Variants in DNAJC1 observed in about 807,000 individuals in gnomAD.
DNAJC1 encodes the protein DnaJ heat shock protein family (Hsp40) member C1, also known as dnaJ homolog subfamily C member 1.
DNAJC1 carries 58 observed loss-of-function variants against 76.6 expected under a neutral mutation model. The ratio of observed to expected loss-of-function variants is 0.76; its 90% CI spans 0.61 to 0.94. The LOEUF (loss-of-function observed/expected upper bound fraction) is 0.94, where lower values mean the gene tolerates loss of function less well. Among genes scored for constraint, DNAJC1 ranks in the 40% least tolerant of loss-of-function variants. DNAJC1 has a pLI of 0.00. For missense variants in DNAJC1, 689 were observed against 677.3 expected, an observed-to-expected ratio of 1.02 and a Z score of -0.19; for synonymous variants, 258 against 267.9, an observed-to-expected ratio of 0.96 and a Z score of 0.36.
rs2131858984 is a variant in DNAJC1 at position 22,003,555 on chromosome 10, G to T, written c.-121C>A. On this transcript the variant is annotated 5_prime_UTR_variant, in exon 1 of 12. Coordinates refer to ENST00000376980, the MANE Select transcript of DNAJC1 (RefSeq NM_022365.4). ...AGTGAAAAGCGCGGGCAGGCGCACC[G>T]GAGCGGCCCGCCAGGTGGCTGGCCC... 5 of 1,187,518 alleles carry T rather than the reference G, an allele frequency of 4.2e-6. No homozygotes were observed. The highest frequency in any genetic ancestry group is 5.3e-6 in the Non-Finnish European group (5 of 938,066). The allele number at this position is 1,187,518 out of a possible 1,614,324, so 73.6% of individuals were successfully genotyped here. A position where few individuals can be genotyped will look rare whatever the true frequency, so the allele number is the denominator to read the frequency against.
chr10:21,833,921 G>C (rs1005527193), intron 8 of DNAJC1, among the ~76,000 whole-genome samples: 3 of 152,066 alleles, frequency 2.0e-5, no homozygotes, highest in African/African-American at 7.2e-5. Context: ...AATCAGACAG[G>C]GGAAAGATCA....
At chr10:21,826,474 G>C (rs1407417891) in intron 8 of DNAJC1, among the ~76,000 whole-genome samples, 2 of 151,900 alleles carry the variant, frequency 1.3e-5, no homozygotes, top group Non-Finnish European at 2.9e-5. Context: ...GTCTCTTCAT[G>C]GTATCCTTTG....
chr10:21,835,640 T>C (rs147043891), intron 8 of DNAJC1, among the ~76,000 whole-genome samples: 5,363 of 152,216 alleles, frequency 0.035, 166 homozygotes, highest in African/African-American at 0.069. Context: ...AAGGACCTGA[T>C]GGAGCTGAAA....
chr10:21,929,094 T>C lies in DNAJC1; in HGVS notation c.270A>G (p.Leu90=), dbSNP rs759360361. Reference sequence around the variant, plus strand: ...CTTTATTCTTGTCTGGATGTAAAGTTAGTGAAAGCTTACGATATGCTTTTC... The same window carrying C: ...CTTTATTCTTGTCTGGATGTAAAGTCAGTGAAAGCTTACGATATGCTTTTC... ...DIRKAYRKLS[L]TLHPDKNKDE... is the part of the protein sequence containing the mutation. Residue 90 remains leucine (L), a synonymous_variant, in exon 2 of 12, where the codon CTA becomes CTG. Transcript: ENST00000376980. 1.6e-5 allele frequency: 25 copies of C among 1,612,698 alleles called. No individual in the cohort carries two copies. The Admixed American group carries it at 3.5e-4, about 23-fold the overall frequency.
At chr10:21,861,231 A>G (rs1396198935) in intron 8 of DNAJC1, among the ~76,000 whole-genome samples, 2 of 152,290 alleles carry the variant, frequency 1.3e-5, no homozygotes, top group African/African-American at 2.4e-5. Flanking sequence ...CCTGTGGTAA[A>G]TTATCCAGTA....
At chr10:21,774,140 CAAAA>C (rs1285771891) in intron 9 of DNAJC1, among the ~76,000 whole-genome samples, 1 of 55,446 alleles carries the variant, frequency 1.8e-5, no homozygotes. Flanking sequence ...GACTCCGTCT[CAAAA>C]AAAAAAAAAA....
intron 9 of DNAJC1, among the ~76,000 whole-genome samples, chr10:21,802,064 T>C (rs1021735905): frequency 2.0e-5 from 3 of 152,136 alleles, no homozygotes; most frequent in Non-Finnish European, 2.9e-5. Flanking sequence ...AAATAATCTG[T>C]ACAACCAGCC....
intron 6 of DNAJC1, among the ~76,000 whole-genome samples, chr10:21,910,440 A>G (rs1178080072): frequency 6.6e-6 from 1 of 152,288 alleles, no homozygotes; most frequent in Non-Finnish European, 1.5e-5. Flanking sequence ...TCATTAAGTG[A>G]TAAGAGAACA....
intron 10 of DNAJC1, among the ~76,000 whole-genome samples, chr10:21,764,890 T>C (rs1312939886): frequency 6.6e-6 from 1 of 152,206 alleles, no homozygotes; most frequent in Admixed American, 6.5e-5. Context: ...ATCTGCTCTC[T>C]GCTCAAAGCT....
intron 8 of DNAJC1, among the ~76,000 whole-genome samples, chr10:21,815,239 C>G (rs1056408364): frequency 6.6e-6 from 1 of 152,192 alleles, no homozygotes; most frequent in African/African-American, 2.4e-5. Flanking sequence ...CACTATAGCT[C>G]CCTGACTATT....
At chr10:21,835,915 C>A (rs558878302) in intron 8 of DNAJC1, among the ~76,000 whole-genome samples, 3 of 152,266 alleles carry the variant, frequency 2.0e-5, no homozygotes, top group Non-Finnish European at 4.4e-5. Context: ...GGATACTGTC[C>A]AGGAGAACTT....
chr10:21,871,266 C>T (rs1363956577), intron 8 of DNAJC1, among the ~76,000 whole-genome samples: 1 of 150,464 alleles, frequency 6.6e-6, no homozygotes, highest in Non-Finnish European at 1.5e-5. Context: ...CAAGGCTGCG[C>T]ACATACTCAG....
intron 8 of DNAJC1, among the ~76,000 whole-genome samples, chr10:21,880,357 G>A (rs1462816978): frequency 6.6e-6 from 1 of 152,146 alleles, no homozygotes; most frequent in African/African-American, 2.4e-5. Flanking sequence ...ATGGCATCTA[G>A]AATAGTAAAT....
At chr10:21,838,649 T>C (rs1187939773) in intron 8 of DNAJC1, among the ~76,000 whole-genome samples, 2 of 151,818 alleles carry the variant, frequency 1.3e-5, no homozygotes, top group Non-Finnish European at 2.9e-5. Flanking sequence ...AAAATAATAA[T>C]GGGAGACTTT....
At chr10:21,874,326 A>G (rs1836149856) in intron 8 of DNAJC1, among the ~76,000 whole-genome samples, 1 of 151,962 alleles carries the variant, frequency 6.6e-6, no homozygotes, top group African/African-American at 2.4e-5. Context: ...AGGTGAGAGG[A>G]CTGCTTGAGT....
intron 1 of DNAJC1, among the ~76,000 whole-genome samples, chr10:21,970,713 C>T (rs1476004598): frequency 1.3e-5 from 2 of 151,902 alleles, no homozygotes; most frequent in East Asian, 1.9e-4. Context: ...TGCTGTGCTA[C>T]TCCCACAAAA....
intron 8 of DNAJC1, among the ~76,000 whole-genome samples, chr10:21,850,431 A>C (rs1240889985): frequency 6.6e-6 from 1 of 152,150 alleles, no homozygotes; most frequent in Non-Finnish European, 1.5e-5. Context: ...TTGTATACAG[A>C]AAATTACAAA....
chr10:21,979,192 C>A (rs1314577132), intron 1 of DNAJC1, among the ~76,000 whole-genome samples: 1 of 151,800 alleles, frequency 6.6e-6, no homozygotes, highest in African/African-American at 2.4e-5. Flanking sequence ...GACGTGCCTT[C>A]TATTAATATA....
At chr10:21,898,601 G>A (rs1836586644) in intron 7 of DNAJC1, among the ~76,000 whole-genome samples, 1 of 149,584 alleles carries the variant, frequency 6.7e-6, no homozygotes, top group East Asian at 2.0e-4. Flanking sequence ...TGCCCAGGCT[G>A]GAGTGCAATG....
Sources: allele counts gnomAD v4.1 joint callset (sites outside exome capture counted in the v4.1 genomes callset), GRCh38; gene constraint gnomAD v4.1.1; transcripts MANE v1.5; gene names NCBI Gene and HGNC (gene_info 2026-07-23, HGNC 2026-07-21).